ADCY2: variants seen among roughly 807,000 people sequenced by gnomAD.
ADCY2 encodes adenylate cyclase 2, also known as adenylate cyclase type 2.
A neutral mutation model predicts 125.2 loss-of-function variants in ADCY2; 31 were observed. The observed-to-expected ratio is 0.25, with a 90% CI of 0.19 to 0.33. ADCY2 has a LOEUF of 0.33. ADCY2 is among the 10% of genes least tolerant of loss of function. The pLI is 1.00. For synonymous variants in ADCY2, 512 were observed against 548.4 expected (o/e 0.93, Z 0.93); for missense variants, 904 against 1,418.2 (o/e 0.64, Z 5.82).
chr5:7,702,032 C>T lies in ADCY2; in HGVS notation c.1109+3658C>T, dbSNP rs113312230. On this transcript the variant is annotated intron_variant, in intron 7 of 24. Transcript: ENST00000338316. ...TTGCGTCCCTGTTACCTGCCACTTG[C>T]GGAACAAGGGATTCCACATTCCTCC... 4.4e-3 allele frequency among the ~76,000 whole-genome samples: 666 copies of T among 152,186 alleles called. 1 individual carries two copies. Among genetic ancestry groups the T allele is most frequent in the Non-Finnish European group, 5.9e-3 (404 of 68,014 alleles).
At position 7,414,555 on chromosome 5, in the gene ADCY2, ATT is replaced by A. The variant is rs770128101; in HGVS notation, c.211-12_211-11del. 25 of 1,588,782 alleles carry A rather than the reference ATT, an allele frequency of 1.6e-5. No individual in the cohort carries two copies. The highest frequency in any genetic ancestry group is 2.1e-5 in the Non-Finnish European group (25 of 1,169,172). Reference sequence around the variant, plus strand: ...TCTCTAAATGGTAACTTTTCCATGTATTTTTTTATCTCCTCAGGAAGTTGAAG... The same window carrying A: ...TCTCTAAATGGTAACTTTTCCATGTATTTTTATCTCCTCAGGAAGTTGAAG... On this transcript the variant is annotated splice_polypyrimidine_tract_variant and intron_variant, in intron 1 of 24. Coordinates refer to ENST00000338316, the MANE Select transcript of ADCY2 (RefSeq NM_020546.3).
chr5:7,727,445 A>G (rs1161882091), intron 14 of ADCY2, among the ~76,000 whole-genome samples, 184 bp downstream of exon 14: 1 of 152,140 alleles, frequency 6.6e-6, no homozygotes, highest in African/African-American at 2.4e-5. Flanking sequence ...CCTTAGCATA[A>G]TGTTGGATTT....
chr5:7,498,288 G>A (rs926205267), intron 2 of ADCY2, among the ~76,000 whole-genome samples: 6 of 112,628 alleles, frequency 5.3e-5, no homozygotes, highest in Non-Finnish European at 9.9e-5. Context: ...TCGCTCTATC[G>A]CCCAGGCTGG....
intron 7 of ADCY2, among the ~76,000 whole-genome samples, chr5:7,700,516 A>G (rs1420766162): frequency 7.0e-6 from 1 of 142,004 alleles, no homozygotes; most frequent in Non-Finnish European, 1.5e-5. Context: ...TTTTTTTTTA[A>G]TCTGAACAGC....
intron 18 of ADCY2, among the ~76,000 whole-genome samples, chr5:7,777,415 C>T (rs1743767459): frequency 6.6e-6 from 1 of 152,244 alleles, no homozygotes. Flanking sequence ...TGAACAAAAG[C>T]ATGTCATGCT....
intron 24 of ADCY2, among the ~76,000 whole-genome samples, chr5:7,821,899 AG>A (rs1745313730): frequency 6.6e-6 from 1 of 152,220 alleles, no homozygotes; most frequent in Non-Finnish European, 1.5e-5. Context: ...GAACGGAGTG[AG>A]GGGACCAGTG....
intron 2 of ADCY2, among the ~76,000 whole-genome samples, chr5:7,454,005 A>G (rs966655943): frequency 6.6e-6 from 1 of 152,164 alleles, no homozygotes; most frequent in Non-Finnish European, 1.5e-5. Context: ...CTACAGGGAG[A>G]CTGCTTTTCC....
At chr5:7,788,894 TTAAAG>T (rs1324800281) in intron 19 of ADCY2, among the ~76,000 whole-genome samples, 1 of 152,240 alleles carries the variant, frequency 6.6e-6, no homozygotes, top group East Asian at 1.9e-4. Context: ...CATGATTAAA[TTAAAG>T]TATTTACATC....
At chr5:7,489,539 T>G (rs1291590966) in intron 2 of ADCY2, among the ~76,000 whole-genome samples, 1 of 152,088 alleles carries the variant, frequency 6.6e-6, no homozygotes, top group African/African-American at 2.4e-5. Context: ...GATCTGATAG[T>G]TTTATAGAGT....
chr5:7,821,929 G>C (rs1450524152), intron 24 of ADCY2, among the ~76,000 whole-genome samples: 1 of 152,194 alleles, frequency 6.6e-6, no homozygotes, highest in Non-Finnish European at 1.5e-5. Context: ...GGTGGTTTGA[G>C]GTTCCCCCGG....
chr5:7,823,739 T>A (rs914222561), intron 24 of ADCY2, among the ~76,000 whole-genome samples: 6 of 152,166 alleles, frequency 3.9e-5, no homozygotes, highest in Non-Finnish European at 8.8e-5. Context: ...TTTTAAGCAC[T>A]TGGGAGAAGT....
chr5:7,630,528 T>C (rs1554026017), intron 4 of ADCY2, among the ~76,000 whole-genome samples: 1 of 152,200 alleles, frequency 6.6e-6, no homozygotes, highest in Non-Finnish European at 1.5e-5. Flanking sequence ...TCCACAAATT[T>C]GATGGCTTAA....
rs546275367 is a variant in ADCY2, at chr5:7,512,520, G to C, written c.409-8218G>C. Among the ~76,000 whole-genome samples the C allele has an allele frequency of 2.0e-3, 303 of 152,240 alleles. 2 individuals are homozygous for C. Among genetic ancestry groups the C allele is most frequent in the African/African-American group, 7.1e-3 (294 of 41,546 alleles). On this transcript the variant is annotated intron_variant, in intron 2 of 24. Coordinates refer to ENST00000338316, the MANE Select transcript of ADCY2 (RefSeq NM_020546.3). ...GAATAGTTCCTAGGTTTGGGGATTAGGGGTTTTATTAAATGAGATGGGAGA... is the reference window on the plus strand; with the variant it reads ...GAATAGTTCCTAGGTTTGGGGATTACGGGTTTTATTAAATGAGATGGGAGA...
chr5:7,407,582 G>A (rs1413275805), intron 1 of ADCY2, among the ~76,000 whole-genome samples: 2 of 152,134 alleles, frequency 1.3e-5, no homozygotes, highest in East Asian at 3.9e-4. Flanking sequence ...CAGCCAAAGG[G>A]TGGCGAAAGG....
chr5:7,492,205 G>C (rs1743188142), intron 2 of ADCY2, among the ~76,000 whole-genome samples: 1 of 152,224 alleles, frequency 6.6e-6, no homozygotes, highest in Non-Finnish European at 1.5e-5. Context: ...ACAAATCACT[G>C]TGTCATGCTG....
chr5:7,816,535 G>A (rs901487863), intron 22 of ADCY2, among the ~76,000 whole-genome samples: 1 of 152,234 alleles, frequency 6.6e-6, no homozygotes, highest in African/African-American at 2.4e-5. Flanking sequence ...AGGGAAGAAG[G>A]CGCCAGCCCC....
At chr5:7,586,000 G>T (rs1736613343) in intron 3 of ADCY2, among the ~76,000 whole-genome samples, 1 of 152,156 alleles carries the variant, frequency 6.6e-6, no homozygotes, top group Admixed American at 6.5e-5. Context: ...CATATTTTAT[G>T]CTGACTATCA....
intron 15 of ADCY2, among the ~76,000 whole-genome samples, chr5:7,751,753 A>G (rs1742831506): frequency 1.3e-5 from 2 of 152,138 alleles, no homozygotes; most frequent in African/African-American, 2.4e-5. Flanking sequence ...GGCTGGCCCA[A>G]GGAAATATCT....
intron 4 of ADCY2, among the ~76,000 whole-genome samples, chr5:7,646,989 C>G (rs1479092198): frequency 6.6e-6 from 1 of 152,146 alleles, no homozygotes; most frequent in Non-Finnish European, 1.5e-5. Flanking sequence ...GCATCATCCT[C>G]TGATGTGTTC....
Sources: gnomAD v4.1 joint callset for allele counts (sites outside exome capture counted in the v4.1 genomes callset) on GRCh38, gnomAD v4.1.1 for gene constraint, MANE v1.5 for transcripts, NCBI Gene and HGNC (gene_info 2026-07-23, HGNC 2026-07-21) for gene names.